The following XIRP2 variants were observed in gnomAD, a reference collection of about 807,000 sequenced individuals.
XIRP2 encodes xin actin binding repeat containing 2.
Under a neutral mutation model 277.0 loss-of-function variants are expected in XIRP2, and 236 were observed. The observed-to-expected ratio is 0.85, with a 90% CI of 0.77 to 0.95. XIRP2 has a LOEUF of 0.95. Among genes scored for constraint, XIRP2 ranks in the 40% least tolerant of loss-of-function variants. The probability of loss-of-function intolerance (pLI) is 0.00; values close to 1 mark genes in which losing one functional copy is unlikely to be tolerated. For synonymous variants in XIRP2, 1,490 were observed against 1,416.5 expected, an observed-to-expected ratio of 1.05 and a Z score of -1.17; for missense variants, 4,640 against 4,157.5, an observed-to-expected ratio of 1.12 and a Z score of -3.19.
intron 2 of XIRP2, among the ~76,000 whole-genome samples, chr2:166,910,018 A>G (rs555207024): frequency 1.3e-5 from 2 of 152,212 alleles, no homozygotes; most frequent in Admixed American, 1.3e-4. Flanking sequence ...GTTTGCCAGT[A>G]TTTTACTGAG....
chr2:166,981,652 C>T (rs925359503), intron 2 of XIRP2, among the ~76,000 whole-genome samples: 2 of 152,242 alleles, frequency 1.3e-5, no homozygotes, highest in African/African-American at 4.8e-5. Context: ...CCGCCTGCCT[C>T]GGCCTCCCAA....
intron 2 of XIRP2, among the ~76,000 whole-genome samples, chr2:167,016,187 T>C (rs1687824477): frequency 6.6e-6 from 1 of 151,864 alleles, no homozygotes; most frequent in Non-Finnish European, 1.5e-5. Context: ...CCCCTCCTTT[T>C]TCTCCTTCCT....
At chr2:167,192,534 T>A (rs1294172919) in intron 3 of XIRP2, among the ~76,000 whole-genome samples, 1 of 152,212 alleles carries the variant, frequency 6.6e-6, no homozygotes, top group Non-Finnish European at 1.5e-5. Flanking sequence ...CTTTGGTTTG[T>A]GTCTTGCAAG....
intron 3 of XIRP2, among the ~76,000 whole-genome samples, chr2:167,191,902 TA>T (rs1293037822): frequency 6.6e-6 from 1 of 152,228 alleles, no homozygotes; most frequent in Non-Finnish European, 1.5e-5. Context: ...AAAATAAATG[TA>T]ATACCAAAAG....
At chr2:167,226,291 C>T (rs991241671) in intron 5 of XIRP2, among the ~76,000 whole-genome samples, 2 of 152,104 alleles carry the variant, frequency 1.3e-5, no homozygotes, top group Admixed American at 6.6e-5. Flanking sequence ...GTGTCCATGG[C>T]GCTGCTTCCT....
At chr2:167,183,639 A>T (rs1199620808) in intron 3 of XIRP2, among the ~76,000 whole-genome samples, 3 of 151,776 alleles carry the variant, frequency 2.0e-5, no homozygotes, top group African/African-American at 2.4e-5. Context: ...CTATCTTTTC[A>T]TATGTTTTGT....
At chr2:167,005,002 T>G (rs1285368067) in intron 2 of XIRP2, among the ~76,000 whole-genome samples, 2 of 151,916 alleles carry the variant, frequency 1.3e-5, no homozygotes, top group Non-Finnish European at 2.9e-5. Context: ...TGATGGGATT[T>G]TTTTGTAGCA....
chr2:167,064,198 A>T (rs921204247), intron 2 of XIRP2, among the ~76,000 whole-genome samples: 6 of 151,834 alleles, frequency 4.0e-5, no homozygotes, highest in Admixed American at 3.3e-4. Context: ...ACAATCAAAC[A>T]TACCCATCAC....
chr2:167,227,613 G>A (rs1021223958), intron 5 of XIRP2, among the ~76,000 whole-genome samples: 1 of 151,948 alleles, frequency 6.6e-6, no homozygotes, highest in Non-Finnish European at 1.5e-5. Context: ...AGGCTGAGGT[G>A]GAAGGATGAC....
chr2:167,122,704 G>GC (rs1437312125), intron 2 of XIRP2, among the ~76,000 whole-genome samples: 1 of 152,090 alleles, frequency 6.6e-6, no homozygotes, highest in Non-Finnish European at 1.5e-5. Flanking sequence ...TGAGCAAAAG[G>GC]CCCCTTTTTG....
chr2:166,912,924 T>A (rs544465178), intron 2 of XIRP2, among the ~76,000 whole-genome samples: 1 of 152,316 alleles, frequency 6.6e-6, no homozygotes, highest in Admixed American at 6.5e-5. Flanking sequence ...CAGTGAGTAT[T>A]GCTGAACAGC....
At chr2:167,131,682 C>G (rs1691381772) in intron 2 of XIRP2, among the ~76,000 whole-genome samples, 1 of 152,130 alleles carries the variant, frequency 6.6e-6, no homozygotes, top group Non-Finnish European at 1.5e-5. Flanking sequence ...TGGCATTTTT[C>G]AAGGCTTGGT....
In XIRP2 at chr2:167,250,670, G is replaced by C; in HGVS notation, c.9278G>C (p.Arg3093Pro). Residue 3093 changes from arginine (R) to proline (P), a missense_variant, in exon 9 of 11, where the codon CGT becomes CCT. Transcript: ENST00000409195. Reference sequence around the variant, plus strand: ...GCAGCTCATCATGAAGCAACTGTTCGTAGTCACGTGAAAACCCATCAGGAA... The same window carrying C: ...GCAGCTCATCATGAAGCAACTGTTCCTAGTCACGTGAAAACCCATCAGGAA... ...QVAAHHEATV[R>P]SHVKTHQEIK... 1 of 1,613,416 alleles carries C rather than the reference G, an allele frequency of 6.2e-7. No homozygotes were observed. The highest frequency in any genetic ancestry group is 8.5e-7 in the Non-Finnish European group (1 of 1,179,662).
chr2:167,237,761 T>A (rs1694945916), intron 5 of XIRP2, among the ~76,000 whole-genome samples: 1 of 152,196 alleles, frequency 6.6e-6, no homozygotes, highest in South Asian at 2.1e-4. Context: ...CAGGTGCACA[T>A]TCTCCTTTGC....
chr2:167,103,189 G>T (rs1035527778), intron 2 of XIRP2, among the ~76,000 whole-genome samples: 1 of 151,976 alleles, frequency 6.6e-6, no homozygotes, highest in Non-Finnish European at 1.5e-5. Context: ...GGAGGGGAGA[G>T]GGTTGAGGGG....
At position 167,249,464 on chromosome 2, in the gene XIRP2, A is replaced by G. The variant is rs746087032; in HGVS notation, c.8072A>G (p.Lys2691Arg). The change falls in exon 9 of 11, where the codon AAG becomes AGG. Residue 2691 changes from lysine to arginine, a missense_variant. Lys to Arg is a conservative substitution (Grantham distance 26). Coordinates refer to ENST00000409195, the MANE Select transcript of XIRP2 (RefSeq NM_152381.6). The part of the protein sequence containing the change: ...ECSTQQTQQK[K>R]YLEQLHLPQS... Reference sequence around the variant, plus strand: ...AGTACCCAACAAACACAACAGAAGAAGTATTTGGAGCAGTTGCACTTGCCC... The same window carrying G: ...AGTACCCAACAAACACAACAGAAGAGGTATTTGGAGCAGTTGCACTTGCCC... The G allele has an allele frequency of 2.2e-5, 35 of 1,613,778 alleles. No individual in the cohort carries two copies. The highest frequency in any genetic ancestry group is 6.7e-5 in the Admixed American group (4 of 59,964).
chr2:167,056,305 A>G (rs1689035489), intron 2 of XIRP2, among the ~76,000 whole-genome samples: 2 of 152,132 alleles, frequency 1.3e-5, no homozygotes, highest in African/African-American at 2.4e-5. Flanking sequence ...CATAAATGCA[A>G]AATTACTTTT....
In XIRP2 at chr2:166,900,900, C is replaced by T. The variant is rs141664729; in HGVS notation, c.-18-2565C>T. ...GAAGTACAGGATCTTCACATGGCTT[C>T]CACTGACATCTAGAGGAGCCCCGTC... On this transcript the variant is annotated intron_variant, in intron 1 of 10. Coordinates refer to ENST00000409195, the MANE Select transcript of XIRP2 (RefSeq NM_152381.6). Among the ~76,000 whole-genome samples the T allele has an allele frequency of 2.1e-3, 327 of 152,210 alleles. 2 individuals are homozygous for T. Among genetic ancestry groups the T allele is most frequent in the African/African-American group, 7.0e-3 (292 of 41,550 alleles).
chr2:167,149,280 T>C (rs1220435375), intron 3 of XIRP2, among the ~76,000 whole-genome samples: 3 of 152,158 alleles, frequency 2.0e-5, no homozygotes, highest in Non-Finnish European at 4.4e-5. Context: ...AAGCAAAATA[T>C]AAATGCTTTC....
Sources: gnomAD v4.1 joint callset for allele counts (sites outside exome capture counted in the v4.1 genomes callset) on GRCh38, gnomAD v4.1.1 for gene constraint, MANE v1.5 for transcripts, NCBI Gene and HGNC (gene_info 2026-07-23, HGNC 2026-07-21) for gene names.